HEXA: variants seen among roughly 807,000 people sequenced by gnomAD.
HEXA encodes hexosaminidase subunit alpha.
In HEXA, 54 loss-of-function variants were observed where a neutral mutation model predicts 73.3. The observed-to-expected ratio is 0.74, with a 90% CI of 0.59 to 0.92. The LOEUF (loss-of-function observed/expected upper bound fraction) is 0.92. Ranked by LOEUF, HEXA falls within the 40% of genes least tolerant of loss-of-function variation. HEXA has a pLI of 0.00. For missense variants in HEXA, 649 were observed against 653.0 expected (o/e 0.99, Z 0.07); for synonymous variants, 230 against 246.9 (o/e 0.93, Z 0.64).
chr15:72,362,913 C>T (rs764007033), intron 1 of HEXA, among the ~76,000 whole-genome samples: 1 of 152,154 alleles, frequency 6.6e-6, no homozygotes, highest in African/African-American at 2.4e-5. Context: ...ACATTGGTTT[C>T]GGTTATAAAG....
chr15:72,357,061 A>G (rs1306505375), intron 1 of HEXA: 8 of 301,862 alleles, frequency 2.7e-5, no homozygotes, highest in Non-Finnish European at 4.6e-5. Context: ...ATGTAAATCA[A>G]TTATGTCAGA....
intron 1 of HEXA, chr15:72,362,292 C>G (rs2088861463): frequency 3.9e-6 from 1 of 259,280 alleles, no homozygotes; most frequent in African/African-American, 2.3e-5. Flanking sequence ...AAGAAACCCT[C>G]CTATGTGATC....
At chr15:72,345,684 T>C in intron 12 of HEXA, 134 bp from the exon 13 acceptor site, 1 of 1,471,344 alleles carries the variant, frequency 6.8e-7, no homozygotes, top group Non-Finnish European at 9.2e-7. Context: ...TACCTTGTTA[T>C]GAGCCACAGC....
chr15:72,354,775 C>T (rs1423519682), intron 3 of HEXA: 1 of 152,346 alleles, frequency 6.6e-6, no homozygotes, highest in Non-Finnish European at 1.5e-5. Flanking sequence ...CATTCACCAG[C>T]AGAGGGTTTA....
intron 1 of HEXA, among the ~76,000 whole-genome samples, chr15:72,363,147 A>G (rs1024975162): frequency 6.6e-6 from 1 of 152,096 alleles, no homozygotes; most frequent in Non-Finnish European, 1.5e-5. Context: ...AAAGCCCATT[A>G]TATCATTCAT....
rs1448432010 is a variant in HEXA, at chr15:72,349,385, G to T, written c.806-126C>A. The stretch of plus-strand genomic sequence containing the variant: ...ATTCATAAACATCACACACATTTAG[G>T]TAGGCACACTTAGGCACTCACAGAC... On this transcript the variant is annotated intron_variant, in intron 7 of 13. Coordinates refer to ENST00000268097, the MANE Select transcript of HEXA (RefSeq NM_000520.6). The T allele has an allele frequency of 3.8e-6, 3 of 788,506 alleles. No homozygotes were observed. The African/African-American group carries it at 5.1e-5, about 13-fold the overall frequency. 48.8% of individuals were successfully genotyped at this position (788,506 alleles called of 1,614,324 possible).
chr15:72,373,634 A>C (rs2089020800), intron 1 of HEXA, among the ~76,000 whole-genome samples: 1 of 152,224 alleles, frequency 6.6e-6, no homozygotes, highest in African/African-American at 2.4e-5. Context: ...ATTATCTTAC[A>C]ATCTCTCCAT....
rs2088791245 is a variant in HEXA, at chr15:72,356,820, C to T, written c.254-203G>A. The T allele has an allele frequency of 4.1e-6, 3 of 724,320 alleles. No individual in the cohort carries two copies. The East Asian group carries it at 8.3e-5, about 20-fold the overall frequency. The allele number at this position is 724,320 out of a possible 1,614,324, so 44.9% of individuals were successfully genotyped here. On this transcript the variant is annotated intron_variant, in intron 1 of 13. Coordinates refer to ENST00000268097, the MANE Select transcript of HEXA (RefSeq NM_000520.6). ...GTGCCCCTCTTCTCCTCAGTAGCTG[C>T]CCTGACCCATGTCTGAATGCTCTGG...
chr15:72,375,428 T>A (rs114580705), intron 1 of HEXA, among the ~76,000 whole-genome samples: 2,105 of 152,312 alleles, frequency 0.014, 46 homozygotes, highest in African/African-American at 0.048. Context: ...TGGTCTCTAC[T>A]CAGCCCTTGC....
chr15:72,355,183 C>A (rs886744435), intron 3 of HEXA: 1 of 344,176 alleles, frequency 2.9e-6, no homozygotes, highest in Non-Finnish European at 5.7e-6. Context: ...CTGTCAACTT[C>A]CAGGGACAAT....
chr15:72,350,341 C>T (rs953054659), intron 7 of HEXA, 177 bp downstream of exon 7: 10 of 723,496 alleles, frequency 1.4e-5, no homozygotes, highest in African/African-American at 1.0e-4. Context: ...TAGTAAGAAG[C>T]AGCCTCCATT....
intron 1 of HEXA, among the ~76,000 whole-genome samples, chr15:72,361,418 A>G (rs1441018401): frequency 9.9e-5 from 15 of 151,754 alleles, no homozygotes; most frequent in Non-Finnish European, 1.5e-5. Context: ...CTTCGCTTAC[A>G]CTCTCCCTAG....
At position 72,349,134 on chromosome 15, in the gene HEXA, CAG is replaced by C. The variant is rs751248523; in HGVS notation, c.929_930del (p.Ser310CysfsTer13). 36 of 1,613,960 alleles carry C rather than the reference CAG, an allele frequency of 2.2e-5. No homozygotes were observed. The highest frequency in any genetic ancestry group is 3.1e-5 in the Non-Finnish European group (36 of 1,179,980). ...AGATGAAGATAAAAATCTGGGAAGACAGAGCTGACTTCTAAGAAGAATGTGCT... is the reference window on the plus strand; with the variant it reads ...AGATGAAGATAAAAATCTGGGAAGACAGCTGACTTCTAAGAAGAATGTGCT... ...FMSTFFLEVS[S>X]VFPDFYLHLG... On this transcript the variant is annotated frameshift_variant, in exon 8 of 14. Coordinates refer to ENST00000268097, the MANE Select transcript of HEXA (RefSeq NM_000520.6). LOFTEE classifies it high-confidence loss of function.
intron 8 of HEXA, among the ~76,000 whole-genome samples, chr15:72,348,868 G>C (rs931358429): frequency 3.3e-5 from 5 of 152,178 alleles, no homozygotes; most frequent in Non-Finnish European, 5.9e-5. Context: ...AAGGATATGA[G>C]AGTAGGAAGG....
At chr15:72,355,421 G>T (rs2088762457) in intron 3 of HEXA, 138 bp downstream of exon 3, 2 of 725,328 alleles carry the variant, frequency 2.8e-6, no homozygotes, top group Non-Finnish European at 5.1e-6. Flanking sequence ...AGCTACTTGG[G>T]AGGCTAAAGA....
rs1456402872 is a variant in HEXA, at chr15:72,343,330, G to A, written c.*747C>T. The A allele has an allele frequency of 6.6e-6, 1 of 152,188 alleles. No homozygotes were observed. Among genetic ancestry groups the A allele is most frequent in the Non-Finnish European group, 1.5e-5 (1 of 68,054 alleles). 9.4% of individuals were successfully genotyped at this position (152,188 alleles called of 1,614,324 possible). On this transcript the variant is annotated 3_prime_UTR_variant, in exon 14 of 14. Coordinates refer to ENST00000268097, the MANE Select transcript of HEXA (RefSeq NM_000520.6). ...GAATCGCTTGAACCCAGGAGGCAGA[G>A]GCTGCAGTGAGCCAAGATTGTGCCA... is the stretch of plus-strand genomic sequence containing the variant.
chr15:72,371,055 AAGTATAGTT>A (rs1452864857), intron 1 of HEXA, among the ~76,000 whole-genome samples: 1 of 152,194 alleles, frequency 6.6e-6, no homozygotes, highest in Non-Finnish European at 1.5e-5. Context: ...GGAAAGGTTA[AAGTATAGTT>A]AGCCGCTAGC....
intron 1 of HEXA, chr15:72,358,501 C>G (rs1263059694): frequency 6.6e-6 from 1 of 152,250 alleles, no homozygotes; most frequent in Non-Finnish European, 1.5e-5. Context: ...AAGACACCTG[C>G]ACTGTACTCC....
At chr15:72,348,925 C>T (rs149413385) in intron 8 of HEXA, among the ~76,000 whole-genome samples, 154 bp downstream of exon 8, 44 of 152,228 alleles carry the variant, frequency 2.9e-4, no homozygotes, top group African/African-American at 1.0e-3. Flanking sequence ...AGGATCTCTA[C>T]GTAGATGGGC....
Sources: gnomAD v4.1 joint callset for allele counts (sites outside exome capture counted in the v4.1 genomes callset) on GRCh38, gnomAD v4.1.1 for gene constraint, MANE v1.5 for transcripts, NCBI Gene and HGNC (gene_info 2026-07-23, HGNC 2026-07-21) for gene names.